The following ANKS6 variants were observed in gnomAD, a reference collection of about 807,000 sequenced individuals.
ANKS6 encodes the protein ankyrin repeat and sterile alpha motif domain containing 6.
Under a neutral mutation model 77.9 loss-of-function variants are expected in ANKS6, and 47 were observed. The ratio of observed to expected loss-of-function variants is 0.60; its 90% CI spans 0.48 to 0.77. ANKS6 has a LOEUF of 0.77. ANKS6 is among the 30% of genes least tolerant of loss of function. ANKS6 has a pLI of 0.00. For synonymous variants in ANKS6, 488 were observed against 501.7 expected, an observed-to-expected ratio of 0.97 and a Z score of 0.37; for missense variants, 1,150 against 1,159.1, an observed-to-expected ratio of 0.99 and a Z score of 0.11.
chr9:98,767,973 C>G (rs1833391798), intron 11 of ANKS6, 108 bp downstream of exon 11: 2 of 1,425,922 alleles, frequency 1.4e-6, no homozygotes, highest in Non-Finnish European at 1.9e-6. Context: ...AGGGGCCTGT[C>G]TTTAGTCCTG....
intron 4 of ANKS6, among the ~76,000 whole-genome samples, 170 bp from the exon 5 acceptor site, chr9:98,782,743 G>A (rs747550398): frequency 7.9e-5 from 12 of 152,054 alleles, no homozygotes; most frequent in Non-Finnish European, 1.3e-4. Context: ...CAGGTCAAGC[G>A]GGAACATGAT....
intron 5 of ANKS6, 54 bp from the exon 6 acceptor site, chr9:98,780,391 G>GGA (rs1359184922): frequency 1.3e-6 from 2 of 1,516,514 alleles, no homozygotes; most frequent in African/African-American, 2.8e-5. Flanking sequence ...TGGGCCATAA[G>GGA]GAGAAGACTC....
intron 11 of ANKS6, among the ~76,000 whole-genome samples, chr9:98,765,948 A>G (rs1246013139): frequency 6.6e-6 from 1 of 152,208 alleles, no homozygotes; most frequent in Non-Finnish European, 1.5e-5. Flanking sequence ...CTGGGATAGA[A>G]AGCCCACTTC....
At chr9:98,781,123 C>G (rs79712218) in intron 5 of ANKS6, among the ~76,000 whole-genome samples, 5 of 152,198 alleles carry the variant, frequency 3.3e-5, no homozygotes, top group African/African-American at 1.2e-4. Flanking sequence ...TGGTCTCGAA[C>G]CCCTGGCCTC....
intron 11 of ANKS6, among the ~76,000 whole-genome samples, chr9:98,757,809 T>C (rs1405525310): frequency 6.6e-6 from 1 of 152,068 alleles, no homozygotes; most frequent in Non-Finnish European, 1.5e-5. Context: ...GTGCCTGTAG[T>C]CCTAGCTACT....
At position 98,745,677 on chromosome 9, in the gene ANKS6, TG is replaced by T. The variant is rs1465476242; in HGVS notation, c.2395-3del. The stretch of plus-strand genomic sequence containing the variant: ...TGTGAGGAACGCTTCCATGTCCACC[TG>T]GGGAGAGAGAGGGGATTTGCCACCA... On this transcript the variant is annotated splice_polypyrimidine_tract_variant and splice_region_variant and intron_variant, in intron 13 of 14. Transcript: ENST00000353234. 6.2e-7 allele frequency: 1 copy of T among 1,612,078 alleles called. No individual in the cohort carries two copies. Among genetic ancestry groups the T allele is most frequent in the East Asian group, 2.2e-5 (1 of 44,876 alleles).
At chr9:98,758,091 G>C (rs1488339097) in intron 11 of ANKS6, among the ~76,000 whole-genome samples, 1 of 152,048 alleles carries the variant, frequency 6.6e-6, no homozygotes, top group Non-Finnish European at 1.5e-5. Context: ...ATTTTCTATT[G>C]CCCTCCTTCC....
intron 11 of ANKS6, among the ~76,000 whole-genome samples, chr9:98,758,627 T>C (rs1482973994): frequency 6.6e-6 from 1 of 152,164 alleles, no homozygotes; most frequent in Non-Finnish European, 1.5e-5. Flanking sequence ...ACTAACTCTG[T>C]GTGTGTGCAA....
chr9:98,742,657 C>G (rs1349338609), intron 14 of ANKS6, among the ~76,000 whole-genome samples: 1 of 152,114 alleles, frequency 6.6e-6, no homozygotes, highest in Non-Finnish European at 1.5e-5. Flanking sequence ...GTGGATGCTG[C>G]CTGTTGGGGG....
intron 2 of ANKS6, among the ~76,000 whole-genome samples, chr9:98,787,167 T>C (rs1406435931): frequency 2.6e-5 from 4 of 152,152 alleles, no homozygotes; most frequent in Non-Finnish European, 5.9e-5. Context: ...GGGGCTCCTA[T>C]TATTTATTTC....
Position 98,772,679 on chromosome 9 carries a change from A to G in ANKS6, c.1821+1198T>C, listed in dbSNP as rs533806719. 2.6e-5 allele frequency among the ~76,000 whole-genome samples: 4 copies of G among 152,284 alleles called. No homozygotes were observed. In the South Asian group the frequency reaches 8.3e-4, roughly 32 times the overall value. The stretch of plus-strand genomic sequence containing the variant: ...GAGGCCCCTCTGCTGAGTAAGCGAA[A>G]CAGAACACACTTGCAAAGGCCATAG... On this transcript the variant is annotated intron_variant, in intron 9 of 14. Coordinates refer to ENST00000353234, the MANE Select transcript of ANKS6 (RefSeq NM_173551.5).
chr9:98,780,046 C>G (rs1834151101), intron 6 of ANKS6, 143 bp downstream of exon 6: 4 of 1,154,624 alleles, frequency 3.5e-6, no homozygotes, highest in Non-Finnish European at 4.9e-6. Context: ...CCCTTTGTTT[C>G]CTATTGCTCA....
intron 11 of ANKS6, among the ~76,000 whole-genome samples, chr9:98,758,818 A>T (rs958312836): frequency 1.3e-5 from 2 of 152,190 alleles, no homozygotes; most frequent in East Asian, 1.9e-4. Flanking sequence ...ACACAAAAAA[A>T]TTTTTAGCCC....
At chr9:98,755,616 T>G (rs1832659178) in intron 12 of ANKS6, among the ~76,000 whole-genome samples, 1 of 152,150 alleles carries the variant, frequency 6.6e-6, no homozygotes. Flanking sequence ...CCCATCCCCC[T>G]TCTCCTGGAA....
At chr9:98,777,976 G>A (rs1273759296) in intron 7 of ANKS6, among the ~76,000 whole-genome samples, 2 of 152,102 alleles carry the variant, frequency 1.3e-5, no homozygotes, top group South Asian at 2.1e-4. Context: ...ACTCCCTGTC[G>A]TCCCTCAGCA....
At chr9:98,778,204 T>C (rs771400106) in intron 7 of ANKS6, 22 bp downstream of exon 7, 1 of 1,613,176 alleles carries the variant, frequency 6.2e-7, no homozygotes. Flanking sequence ...AAAATTCTAC[T>C]GCACATGCAG....
Position 98,793,917 on chromosome 9 carries a change from C to T in ANKS6, c.359+2216G>A, listed in dbSNP as rs377736974. On this transcript the variant is annotated intron_variant, in intron 1 of 14. Transcript: ENST00000353234. ...CTGTAATCGCAGCACTTTGGGAGGC[C>T]GAGGTGGGCGTTTCACGAAATCAGG... is the stretch of plus-strand genomic sequence containing the variant. Among the ~76,000 whole-genome samples, 565 of 148,544 alleles carry T rather than the reference C, an allele frequency of 3.8e-3. 4 individuals carry two copies. The highest frequency in any genetic ancestry group is 0.013 in the African/African-American group (527 of 40,776).
At position 98,791,312 on chromosome 9, in the gene ANKS6, T is replaced by G. The variant is rs1834891925; in HGVS notation, c.360-706A>C. ...GCAAGGTTGTGGTCAGCAGATAGGC[T>G]GGGCATTGCGGCCTGGAGGCCTGCT... On this transcript the variant is annotated intron_variant, in intron 1 of 14. Coordinates refer to ENST00000353234, the MANE Select transcript of ANKS6 (RefSeq NM_173551.5). The surrounding 1 kb of genome is among the most constrained non-coding windows in gnomAD (Gnocchi z 4.3). Among the ~76,000 whole-genome samples, 1 of 152,246 alleles carries G rather than the reference T, an allele frequency of 6.6e-6. No individual in the cohort carries two copies. Among genetic ancestry groups the G allele is most frequent in the South Asian group, 2.1e-4 (1 of 4,836 alleles).
intron 2 of ANKS6, among the ~76,000 whole-genome samples, chr9:98,785,839 G>A (rs1259922559): frequency 1.3e-5 from 2 of 152,270 alleles, no homozygotes; most frequent in Middle Eastern, 3.4e-3. Flanking sequence ...GAATTTCAGC[G>A]CACATTTTTA....
Sources: allele counts gnomAD v4.1 joint callset (sites outside exome capture counted in the v4.1 genomes callset), GRCh38; gene constraint gnomAD v4.1.1; non-coding constraint Gnocchi (gnomAD v3.1); transcripts MANE v1.5; gene names NCBI Gene and HGNC (gene_info 2026-07-23, HGNC 2026-07-21).